DEAF1: variants seen among roughly 807,000 people sequenced by gnomAD.
DEAF1 encodes the protein DEAF1 transcription factor, also known as deformed epidermal autoregulatory factor 1 homolog.
Under a neutral mutation model 58.9 loss-of-function variants are expected in DEAF1, and 53 were observed. That is an observed-to-expected ratio of 0.90 (90% CI 0.72 to 1.13). The LOEUF (loss-of-function observed/expected upper bound fraction) is 1.13, where lower values mean the gene tolerates loss of function less well. DEAF1 is among the 50% of genes most tolerant of loss of function. The probability of loss-of-function intolerance (pLI) is 0.00; values close to 1 mark genes in which losing one functional copy is unlikely to be tolerated. For synonymous variants in DEAF1, 385 were observed against 340.4 expected (o/e 1.13, Z -1.44); for missense variants, 685 against 791.4 (o/e 0.87, Z 1.61).
chr11:659,425 C>T (rs965241274), intron 10 of DEAF1, among the ~76,000 whole-genome samples: 3 of 151,982 alleles, frequency 2.0e-5, no homozygotes, highest in African/African-American at 7.3e-5. Flanking sequence ...AAAAGAAAAC[C>T]TAGACACACC....
intron 1 of DEAF1, among the ~76,000 whole-genome samples, chr11:705,828 GT>G (rs1861688195): frequency 6.6e-6 from 1 of 152,202 alleles, no homozygotes; most frequent in Non-Finnish European, 1.5e-5. Flanking sequence ...CATTGGCAGC[GT>G]TCCCCCGTCC....
At chr11:675,990 C>T (rs1159795920) in intron 9 of DEAF1, among the ~76,000 whole-genome samples, 1 of 23,522 alleles carries the variant, frequency 4.3e-5, no homozygotes, top group African/African-American at 9.9e-5. Context: ...TCCCCCGGGG[C>T]ACCTGGCACC....
At chr11:703,699 C>A (rs987696457) in intron 1 of DEAF1, 1 of 1,232,418 alleles carries the variant, frequency 8.1e-7, no homozygotes, top group Non-Finnish European at 1.0e-6. Context: ...CAGGCAGGCC[C>A]GGTGCAAGAG....
At chr11:655,017 C>T (rs949384380) in intron 10 of DEAF1, among the ~76,000 whole-genome samples, 2 of 151,574 alleles carry the variant, frequency 1.3e-5, no homozygotes, top group African/African-American at 4.9e-5. Context: ...CCATTGCACT[C>T]CAGCCTGGGC....
Position 688,250 on chromosome 11 carries a change from A to C in DEAF1, c.517+81T>G, listed in dbSNP as rs1028016979. ...TTCCAAATTTACCACAAAAAGAAAC[A>C]AGTAAATAAATCCCTGAAATAAATT... On this transcript the variant is annotated intron_variant, in intron 3 of 11. Coordinates refer to ENST00000382409, the MANE Select transcript of DEAF1 (RefSeq NM_021008.4). The surrounding 1 kb of genome is among the most constrained non-coding windows in gnomAD (Gnocchi z 4.3). The C allele has an allele frequency of 2.6e-6, 4 of 1,563,862 alleles. No homozygotes were observed. The African/African-American group carries it at 4.1e-5, about 16-fold the overall frequency.
intron 10 of DEAF1, among the ~76,000 whole-genome samples, chr11:663,893 T>G (rs1057434001): frequency 3.8e-4 from 58 of 152,190 alleles, no homozygotes; most frequent in African/African-American, 1.3e-3. Context: ...TGAAGCTATA[T>G]GTTCATTTAA....
chr11:660,421 G>A (rs975598221), intron 10 of DEAF1, among the ~76,000 whole-genome samples: 3 of 152,212 alleles, frequency 2.0e-5, no homozygotes, highest in African/African-American at 7.2e-5. Flanking sequence ...AAGTGGGACT[G>A]CAAAGCCACC....
At position 644,748 on chromosome 11, in the gene DEAF1, C is replaced by T; in HGVS notation, c.1594-94G>A. On this transcript the variant is annotated intron_variant, in intron 11 of 11. Coordinates refer to ENST00000382409, the MANE Select transcript of DEAF1 (RefSeq NM_021008.4). This position sits in a 1 kb window ranked among gnomAD's most constrained non-coding sequence, Gnocchi z 4.3. Reference sequence around the variant, plus strand: ...GGCAGACCCCAGAGGGTGCAGCCCTCTGTAACCTCACCTGGAGGTGCTGAG... The same window carrying T: ...GGCAGACCCCAGAGGGTGCAGCCCTTTGTAACCTCACCTGGAGGTGCTGAG... The T allele has an allele frequency of 1.0e-6, 1 of 983,832 alleles. No individual in the cohort carries two copies. The highest frequency in any genetic ancestry group is 2.6e-5 in the East Asian group (1 of 38,450). 60.9% of individuals were successfully genotyped at this position (983,832 alleles called of 1,614,324 possible).
At chr11:650,312 T>C (rs1056785612) in intron 11 of DEAF1, among the ~76,000 whole-genome samples, 42 of 137,264 alleles carry the variant, frequency 3.1e-4, no homozygotes, top group Admixed American at 1.9e-3. Flanking sequence ...AGATGGAGGT[T>C]GCAGTGAGTG....
At position 644,598 on chromosome 11, in the gene DEAF1, T is replaced by G; in HGVS notation, c.1650A>C (p.Ala550=). ...CGCTTTCAGCCACGTGGACTTCGTC[T>G]GCCTGGACGGTGACAGCTGCTGACT... ...CGQSAAVTVQ[A]DEVHVAESVM... Residue 550 remains alanine (A), a synonymous_variant, in exon 12 of 12, where the codon GCA becomes GCC. Transcript: ENST00000382409. This position sits in a 1 kb window ranked among gnomAD's most constrained non-coding sequence, Gnocchi z 4.3. 2 of 1,613,254 alleles carry G rather than the reference T, an allele frequency of 1.2e-6. No individual in the cohort carries two copies. The highest frequency in any genetic ancestry group is 1.7e-6 in the Non-Finnish European group (2 of 1,179,976).
intron 1 of DEAF1, among the ~76,000 whole-genome samples, chr11:701,497 G>C (rs11246270): frequency 6.8e-6 from 1 of 147,668 alleles, no homozygotes. Flanking sequence ...TGCAAGCTCC[G>C]CCTCCCGGGT....
chr11:649,054 C>T lies in DEAF1; in HGVS notation c.1594-4400G>A, dbSNP rs149269227. 1.0e-3 allele frequency among the ~76,000 whole-genome samples: 156 copies of T among 152,300 alleles called. 1 individual carries two copies. Among genetic ancestry groups the T allele is most frequent in the African/African-American group, 3.6e-3 (148 of 41,564 alleles). Reference sequence around the variant, plus strand: ...TTACTTGAGCCCAGGAGTTCAAGACCAGCCTGGCCAACATGGCAAAACCCT... The same window carrying T: ...TTACTTGAGCCCAGGAGTTCAAGACTAGCCTGGCCAACATGGCAAAACCCT... On this transcript the variant is annotated intron_variant, in intron 11 of 11. Coordinates refer to ENST00000382409, the MANE Select transcript of DEAF1 (RefSeq NM_021008.4).
At chr11:659,560 C>T (rs1218797836) in intron 10 of DEAF1, among the ~76,000 whole-genome samples, 2 of 152,204 alleles carry the variant, frequency 1.3e-5, no homozygotes, top group Non-Finnish European at 2.9e-5. Context: ...GAGCCAACTC[C>T]GTGTCACCAT....
rs1463946624 is a variant in DEAF1 at position 694,828 on chromosome 11, C to G, written c.220G>C (p.Gly74Arg). 2.1e-6 allele frequency: 3 copies of G among 1,455,828 alleles called. No individual in the cohort carries two copies. The highest frequency in any genetic ancestry group is 2.4e-4 in the Middle Eastern group (1 of 4,200). The allele number at this position is 1,455,828 out of a possible 1,614,324, so 90.2% of individuals were successfully genotyped here. A position where few individuals can be genotyped will look rare whatever the true frequency, so the allele number is the denominator to read the frequency against. ...GCCTCGGCGCCCATGTCCATGTGCCCGGGCTCCGCCGCCATCACCGCCACT... is the reference window on the plus strand; with the variant it reads ...GCCTCGGCGCCCATGTCCATGTGCCGGGGCTCCGCCGCCATCACCGCCACT... ...TAVAVMAAEPGHMDMGAEALP... is the reference protein window; with the variant it reads ...TAVAVMAAEPRHMDMGAEALP... The change falls in exon 1 of 12, where the codon GGG becomes CGG. Residue 74 changes from glycine to arginine, a missense_variant. Gly to Arg is a moderately radical substitution (Grantham distance 125). This residue lies in a region of DEAF1 where 210 missense variants were observed against 177.3 expected (regional missense o/e 1.18). Coordinates refer to ENST00000382409, the MANE Select transcript of DEAF1 (RefSeq NM_021008.4).
intron 10 of DEAF1, among the ~76,000 whole-genome samples, chr11:668,667 C>G (rs571653257): frequency 1.3e-5 from 2 of 152,114 alleles, no homozygotes; most frequent in Admixed American, 1.3e-4. Flanking sequence ...ATGAAAAATA[C>G]AAAAATTAGC....
chr11:666,746 G>T (rs1859545165), intron 10 of DEAF1, among the ~76,000 whole-genome samples: 1 of 151,788 alleles, frequency 6.6e-6, no homozygotes, highest in Middle Eastern at 3.4e-3. Context: ...AGGTGTGGTG[G>T]TGCACACTTG....
At chr11:695,527 G>A, upstream of DEAF1, 1 of 1,073,688 alleles carries the variant, frequency 9.3e-7, no homozygotes, top group Non-Finnish European at 1.2e-6. Flanking sequence ...TTAGTGCCGC[G>A]GGTTTCGCCC....
intron 11 of DEAF1, among the ~76,000 whole-genome samples, chr11:645,111 C>T (rs1858424493): frequency 6.9e-6 from 1 of 144,250 alleles, no homozygotes; most frequent in African/African-American, 2.6e-5. Flanking sequence ...TGCAGGGAGC[C>T]GAGATGGTGC....
chr11:699,883 G>A (rs2133461003), upstream of DEAF1: 1 of 465,312 alleles, frequency 2.1e-6, no homozygotes, highest in Non-Finnish European at 3.8e-6. Context: ...ACAGTCAGGA[G>A]GGCAGGGGCT....
Sources: allele counts gnomAD v4.1 joint callset (sites outside exome capture counted in the v4.1 genomes callset), GRCh38; gene constraint gnomAD v4.1.1; regional missense constraint gnomAD v4.1.1; non-coding constraint Gnocchi (gnomAD v3.1); transcripts MANE v1.5; gene names NCBI Gene and HGNC (gene_info 2026-07-23, HGNC 2026-07-21).